The following TESK1 variants were observed in gnomAD, a reference collection of about 807,000 sequenced individuals.
TESK1 encodes the protein testis associated actin remodelling kinase 1.
Under a neutral mutation model 59.9 loss-of-function variants are expected in TESK1, and 18 were observed. The ratio of observed to expected loss-of-function variants is 0.30; its 90% CI spans 0.21 to 0.45. The LOEUF is 0.45. TESK1 is among the 20% of genes least tolerant of loss of function. TESK1 has a pLI of 1.00. For synonymous variants in TESK1, 341 were observed against 357.4 expected, an observed-to-expected ratio of 0.95 and a Z score of 0.52; for missense variants, 748 against 840.9, an observed-to-expected ratio of 0.89 and a Z score of 1.37.
chr9:35,607,117 G>T lies in TESK1; in HGVS notation c.537+134G>T. 7.4e-7 allele frequency: 1 copy of T among 1,356,314 alleles called. No homozygotes were observed. Among genetic ancestry groups the T allele is most frequent in the East Asian group, 2.5e-5 (1 of 39,610 alleles). 84.0% of individuals were successfully genotyped at this position (1,356,314 alleles called of 1,614,324 possible). Reference sequence around the variant, plus strand: ...TGGCAAGGCATTGGAGAATATTGGGGGACCAGGGTGAGGGGAGTGCTCGGA... The same window carrying T: ...TGGCAAGGCATTGGAGAATATTGGGTGACCAGGGTGAGGGGAGTGCTCGGA... On this transcript the variant is annotated intron_variant, in intron 4 of 9. Coordinates refer to ENST00000336395, the MANE Select transcript of TESK1 (RefSeq NM_006285.3). The surrounding 1 kb of genome is among the most constrained non-coding windows in gnomAD (Gnocchi z 4.5).
In TESK1 at chr9:35,608,174, T is replaced by C. The variant is rs367839495; in HGVS notation, c.810T>C (p.Asp270=). ...YLPRTEDFGL[D]VPAFRTLVGD... is the part of the protein sequence containing the mutation. ...TGTCCCCACAGGACTTTGGCCTGGA[T>C]GTGCCTGCTTTCCGAACTCTGGTGG... The change falls in exon 8 of 10, where the codon GAT becomes GAC. Residue 270 remains aspartate (D), a synonymous_variant. Transcript: ENST00000336395. The C allele has an allele frequency of 6.2e-7, 1 of 1,614,040 alleles. No homozygotes were observed. Among genetic ancestry groups the C allele is most frequent in the Non-Finnish European group, 8.5e-7 (1 of 1,180,028 alleles).
Position 35,607,321 on chromosome 9 carries a change from T to C in TESK1, c.538-6T>C. The C allele has an allele frequency of 6.2e-7, 1 of 1,614,158 alleles. No individual in the cohort carries two copies. Among genetic ancestry groups the C allele is most frequent in the Middle Eastern group, 1.6e-4 (1 of 6,062 alleles). Reference sequence around the variant, plus strand: ...TGCGTGGGGATACTATGTGTGTGTGTGTCAGAACTGTCTAGTCCGACGGGA... The same window carrying C: ...TGCGTGGGGATACTATGTGTGTGTGCGTCAGAACTGTCTAGTCCGACGGGA... On this transcript the variant is annotated splice_region_variant and splice_polypyrimidine_tract_variant and intron_variant, in intron 4 of 9. Coordinates refer to ENST00000336395, the MANE Select transcript of TESK1 (RefSeq NM_006285.3). The surrounding 1 kb of genome is among the most constrained non-coding windows in gnomAD (Gnocchi z 4.5).
rs376850743 is a variant in TESK1, at chr9:35,606,823, C to T, written c.391-14C>T. 1.0e-5 allele frequency: 16 copies of T among 1,586,788 alleles called. No individual in the cohort carries two copies. The African/African-American group carries it at 2.0e-4, about 20-fold the overall frequency. ...AAGTCTGACATCTATTCCCATTCTC[C>T]TCCTATGCACCAGTATATGAATGGG... is the stretch of plus-strand genomic sequence containing the variant. On this transcript the variant is annotated splice_polypyrimidine_tract_variant and intron_variant, in intron 3 of 9. Coordinates refer to ENST00000336395, the MANE Select transcript of TESK1 (RefSeq NM_006285.3).
chr9:35,609,585 C>G lies in TESK1; in HGVS notation c.1724C>G (p.Pro575Arg). ...CCCTGTCCTGGCTGCTGCCTCGGCC[C>G]CTTCAGCTTTGGCTTCCTGTCCATG... is the stretch of plus-strand genomic sequence containing the variant. ...GLPCPGCCLG[P>R]FSFGFLSMCP... Residue 575 changes from proline (P) to arginine (R), a missense_variant, in exon 10 of 10, where the codon CCC becomes CGC. By Grantham distance (103) the Pro-to-Arg change is moderately radical. Around this residue, in one of 3 missense-constraint regions of TESK1, gnomAD observed 447 missense variants for 466.1 expected, o/e 0.96. Coordinates refer to ENST00000336395, the MANE Select transcript of TESK1 (RefSeq NM_006285.3). This position sits in a 1 kb window ranked among gnomAD's most constrained non-coding sequence, Gnocchi z 6.7. 3.1e-6 allele frequency: 5 copies of G among 1,613,488 alleles called. No individual in the cohort carries two copies. Among genetic ancestry groups the G allele is most frequent in the Non-Finnish European group, 4.2e-6 (5 of 1,179,938 alleles).
Position 35,607,629 on chromosome 9 carries a change from G to C in TESK1, c.668G>C (p.Trp223Ser). 6.2e-7 allele frequency: 1 copy of C among 1,614,018 alleles called. No individual in the cohort carries two copies. Among genetic ancestry groups the C allele is most frequent in the East Asian group, 2.2e-5 (1 of 44,854 alleles). The change falls in exon 6 of 10, where the codon TGG becomes TCG. Residue 223 changes from tryptophan (W) to serine (S), a missense_variant. By Grantham distance (177) the Trp-to-Ser change is radical. Transcript: ENST00000336395. This position sits in a 1 kb window ranked among gnomAD's most constrained non-coding sequence, Gnocchi z 4.5. ...EPLAVVGSPY[W>S]MAPEVLRGEL... ...TTGGCCGTGGTGGGCTCCCCATACTGGATGGCTCCAGAGGTGTTACGGGGT... is the reference window on the plus strand; with the variant it reads ...TTGGCCGTGGTGGGCTCCCCATACTCGATGGCTCCAGAGGTGTTACGGGGT...
rs1296647099 is a variant in TESK1, at chr9:35,605,739, C to T, written c.120C>T (p.Ser40=). Residue 40 remains serine (S), a synonymous_variant, in exon 1 of 10, where the codon TCC becomes TCT. Coordinates refer to ENST00000336395, the MANE Select transcript of TESK1 (RefSeq NM_006285.3). ...GGGPGRGRPS[S]YRALRSAVSS... ...GCCCGGGCCGGGGCCGCCCCTCCTC[C>T]TACCGGGCTCTCCGCAGCGCCGTGT... 2.5e-6 allele frequency: 4 copies of T among 1,597,944 alleles called. No individual in the cohort carries two copies. Among genetic ancestry groups the T allele is most frequent in the East Asian group, 2.3e-5 (1 of 44,064 alleles).
Position 35,605,780 on chromosome 9 carries a change from T to C in TESK1, c.161T>C (p.Val54Ala). The C allele has an allele frequency of 6.2e-7, 1 of 1,610,584 alleles. No homozygotes were observed. Among genetic ancestry groups the C allele is most frequent in the Middle Eastern group, 1.7e-4 (1 of 6,030 alleles). The stretch of plus-strand genomic sequence containing the variant: ...AGCGCCGTGTCTAGCCTGGCGCGTG[T>C]GGACGATTTTCACTGCGCGGAGAAG... Reference protein sequence around the residue: ...LRSAVSSLARVDDFHCAEKIG... With the variant: ...LRSAVSSLARADDFHCAEKIG... The change falls in exon 1 of 10, where the codon GTG (valine) becomes GCG (alanine). Residue 54 changes from valine to alanine, a missense_variant. This residue lies in a region of TESK1 where 133 missense variants were observed against 117.4 expected (regional missense o/e 1.13). Transcript: ENST00000336395.
rs759922705 is a variant in TESK1 at position 35,609,906 on chromosome 9, A to AC, written c.*170dup. 122 of 793,708 alleles carry AC rather than the reference A, an allele frequency of 1.5e-4. No individual in the cohort carries two copies. Among genetic ancestry groups the AC allele is most frequent in the Non-Finnish European group, 1.9e-4 (102 of 534,446 alleles). 49.2% of individuals were successfully genotyped at this position (793,708 alleles called of 1,614,324 possible). A position where few individuals can be genotyped will look rare whatever the true frequency, so the allele number is the denominator to read the frequency against. On this transcript the variant is annotated 3_prime_UTR_variant, in exon 10 of 10. Coordinates refer to ENST00000336395, the MANE Select transcript of TESK1 (RefSeq NM_006285.3). The surrounding 1 kb of genome is among the most constrained non-coding windows in gnomAD (Gnocchi z 6.7). ...TCAAGGGACAGAGCACTTCCAGTCG[A>AC]CCCCCCGGCTCGCGTTCCCGTGGGG...
rs1587895587 is a variant in TESK1 at position 35,607,238 on chromosome 9, C to T, written c.538-89C>T. 1 of 1,520,848 alleles carries T rather than the reference C, an allele frequency of 6.6e-7. No homozygotes were observed. Among genetic ancestry groups the T allele is most frequent in the East Asian group, 2.3e-5 (1 of 44,174 alleles). 94.2% of individuals were successfully genotyped at this position (1,520,848 alleles called of 1,614,324 possible). A position where few individuals can be genotyped will look rare whatever the true frequency, so the allele number is the denominator to read the frequency against. ...GAGAGCAGAGAGGGTTGGAGTTATG[C>T]TGGAGTGACAGGGCTTTGGGTTATA... On this transcript the variant is annotated intron_variant, in intron 4 of 9. Coordinates refer to ENST00000336395, the MANE Select transcript of TESK1 (RefSeq NM_006285.3). This position sits in a 1 kb window ranked among gnomAD's most constrained non-coding sequence, Gnocchi z 4.5.
chr9:35,606,271 C>T lies in TESK1; in HGVS notation c.376C>T (p.His126Tyr). The T allele has an allele frequency of 6.2e-7, 1 of 1,614,060 alleles. No homozygotes were observed. Among genetic ancestry groups the T allele is most frequent in the Non-Finnish European group, 8.5e-7 (1 of 1,180,014 alleles). ...AGTCTGTGTGCACCAGGGACAGCTG[C>T]ACGCTCTTACAGAGGTGAGGATAGG... ...MGVCVHQGQL[H>Y]ALTEYMNGGT... The change falls in exon 3 of 10, where the codon CAC becomes TAC. Residue 126 changes from histidine (H) to tyrosine (Y), a missense_variant. His to Tyr is a moderately conservative substitution (Grantham distance 83). This residue lies in a region of TESK1 where 168 missense variants were observed against 257.4 expected (regional missense o/e 0.65). Coordinates refer to ENST00000336395, the MANE Select transcript of TESK1 (RefSeq NM_006285.3).
Position 35,607,711 on chromosome 9 carries a change from G to A in TESK1, c.711+39G>A. Reference sequence around the variant, plus strand: ...CCTTCAGATCCCCAAGGCCTTCCGAGACCCTTGAGGTATTCTCATAAAGCC... The same window carrying A: ...CCTTCAGATCCCCAAGGCCTTCCGAAACCCTTGAGGTATTCTCATAAAGCC... On this transcript the variant is annotated intron_variant, in intron 6 of 9. Transcript: ENST00000336395. The surrounding 1 kb of genome is among the most constrained non-coding windows in gnomAD (Gnocchi z 4.5). The A allele has an allele frequency of 1.9e-6, 3 of 1,542,728 alleles. No homozygotes were observed. Among genetic ancestry groups the A allele is most frequent in the Non-Finnish European group, 2.7e-6 (3 of 1,117,802 alleles).
chr9:35,605,790 TCACTGCGCGGAGAAGATCGGGG>T lies in TESK1; in HGVS notation c.173_194del (p.His58ProfsTer21). The T allele has an allele frequency of 6.2e-7, 1 of 1,611,498 alleles. No homozygotes were observed. The highest frequency in any genetic ancestry group is 8.5e-7 in the Non-Finnish European group (1 of 1,179,426). ...CTAGCCTGGCGCGTGTGGACGATTTTCACTGCGCGGAGAAGATCGGGGCCGGCTTCTTCTCTGAGGTCTACAA... is the reference window on the plus strand; with the variant it reads ...CTAGCCTGGCGCGTGTGGACGATTTTCCGGCTTCTTCTCTGAGGTCTACAA... On this transcript the variant is annotated frameshift_variant, in exon 1 of 10. Transcript: ENST00000336395. LOFTEE classifies it high-confidence loss of function.
Position 35,605,494 on chromosome 9 carries a change from T to G in TESK1, c.-126T>G. 20 of 224,082 alleles carry G rather than the reference T, an allele frequency of 8.9e-5. No individual in the cohort carries two copies. Among genetic ancestry groups the G allele is most frequent in the East Asian group, 4.0e-4 (4 of 10,030 alleles). The allele number at this position is 224,082 out of a possible 1,614,324, so 13.9% of individuals were successfully genotyped here. On this transcript the variant is annotated 5_prime_UTR_variant, in exon 1 of 10. Coordinates refer to ENST00000336395, the MANE Select transcript of TESK1 (RefSeq NM_006285.3). ...TCCAGGATCTTCGGCGGATCTTCCA[T>G]TCTCAGGGCGGGAGCCGGAGTCCGG... is the stretch of plus-strand genomic sequence containing the variant.
Position 35,607,222 on chromosome 9 carries a change from G to A in TESK1, c.538-105G>A, listed in dbSNP as rs1822867255. 2 of 1,449,696 alleles carry A rather than the reference G, an allele frequency of 1.4e-6. No homozygotes were observed. Among genetic ancestry groups the A allele is most frequent in the Non-Finnish European group, 1.9e-6 (2 of 1,037,110 alleles). 89.8% of individuals were successfully genotyped at this position (1,449,696 alleles called of 1,614,324 possible). A position where few individuals can be genotyped will look rare whatever the true frequency, so the allele number is the denominator to read the frequency against. ...TGCCTTGAAAAACTGGGAGAGCAGA[G>A]AGGGTTGGAGTTATGCTGGAGTGAC... On this transcript the variant is annotated intron_variant, in intron 4 of 9. Coordinates refer to ENST00000336395, the MANE Select transcript of TESK1 (RefSeq NM_006285.3). This position sits in a 1 kb window ranked among gnomAD's most constrained non-coding sequence, Gnocchi z 4.5.
rs537370176 is a variant in TESK1 at position 35,609,250 on chromosome 9, G to C, written c.1389G>C (p.Ser463=). 1 of 1,613,992 alleles carries C rather than the reference G, an allele frequency of 6.2e-7. No homozygotes were observed. The highest frequency in any genetic ancestry group is 8.5e-7 in the Non-Finnish European group (1 of 1,180,026). ...CTGGCCCTCCCGCTGTGGGCCCCTC[G>C]GCTGAAGAGAAGATGGAGTGCGAGG... ...PGPGPPAVGP[S]AEEKMECEGS... Residue 463 remains serine (S), a synonymous_variant, in exon 10 of 10, where the codon TCG becomes TCC. Transcript: ENST00000336395. This position sits in a 1 kb window ranked among gnomAD's most constrained non-coding sequence, Gnocchi z 6.7.
In TESK1 at chr9:35,607,657, GCTGT is replaced by G; in HGVS notation, c.697_700del (p.Leu233MetfsTer96). On this transcript the variant is annotated frameshift_variant, in exon 6 of 10. Coordinates refer to ENST00000336395, the MANE Select transcript of TESK1 (RefSeq NM_006285.3). LOFTEE classifies it high-confidence loss of function. This position sits in a 1 kb window ranked among gnomAD's most constrained non-coding sequence, Gnocchi z 4.5. ...TGGCTCCAGAGGTGTTACGGGGTGA[GCTGT>G]ATGATGAGAAGGTGAGACATCAACC... The G allele has an allele frequency of 6.2e-7, 1 of 1,613,850 alleles. No homozygotes were observed. Among genetic ancestry groups the G allele is most frequent in the Non-Finnish European group, 8.5e-7 (1 of 1,179,820 alleles).
chr9:35,608,826 G>T, intron 9 of TESK1, 36 bp from the exon 10 acceptor site: 1 of 1,543,964 alleles, frequency 6.5e-7, no homozygotes, highest in Non-Finnish European at 8.7e-7. Flanking sequence ...GTGATCAAAT[G>T]CTGAGGACAG....
Position 35,609,292 on chromosome 9 carries a change from G to A in TESK1, c.1431G>A (p.Pro477=), listed in dbSNP as rs557615363. The A allele has an allele frequency of 2.5e-5, 40 of 1,614,012 alleles. No individual in the cohort carries two copies. Among genetic ancestry groups the A allele is most frequent in the South Asian group, 4.4e-5 (4 of 91,082 alleles). Residue 477 remains proline, a synonymous_variant, in exon 10 of 10, where the codon CCG becomes CCA. Coordinates refer to ENST00000336395, the MANE Select transcript of TESK1 (RefSeq NM_006285.3). This position sits in a 1 kb window ranked among gnomAD's most constrained non-coding sequence, Gnocchi z 6.7. The part of the protein sequence containing the change: ...KMECEGSSPE[P]EPPGPAPQLP... ...AGTGCGAGGGCAGCAGCCCTGAGCCGGAACCTCCAGGGCCAGCGCCCCAGC... is the reference window on the plus strand; with the variant it reads ...AGTGCGAGGGCAGCAGCCCTGAGCCAGAACCTCCAGGGCCAGCGCCCCAGC...
Position 35,605,680 on chromosome 9 carries a change from G to A in TESK1, c.61G>A (p.Glu21Lys). The change falls in exon 1 of 10, where the codon GAG becomes AAG. Residue 21 changes from glutamate (E) to lysine (K), a missense_variant. Coordinates refer to ENST00000336395, the MANE Select transcript of TESK1 (RefSeq NM_006285.3). ...PGPGPGEVPG[E>K]GPPGPGGTGG... ...GCCCGGGCCTGGAGAGGTGCCGGGG[G>A]AGGGGCCCCCGGGGCCGGGGGGCAC... 11 of 1,444,142 alleles carry A rather than the reference G, an allele frequency of 7.6e-6. No individual in the cohort carries two copies. The highest frequency in any genetic ancestry group is 1.5e-5 in the African/African-American group (1 of 67,236). 89.5% of individuals were successfully genotyped at this position (1,444,142 alleles called of 1,614,324 possible).
Sources: gnomAD v4.1 joint callset for allele counts on GRCh38, gnomAD v4.1.1 for gene constraint, gnomAD v4.1.1 regional missense constraint, Gnocchi (gnomAD v3.1) non-coding constraint, MANE v1.5 for transcripts, NCBI Gene and HGNC (gene_info 2026-07-23, HGNC 2026-07-21) for gene names.